TENM4: variants seen among roughly 807,000 people sequenced by gnomAD.
The protein encoded by TENM4 is teneurin transmembrane protein 4.
In TENM4, 82 loss-of-function variants were observed where a neutral mutation model predicts 243.3. That is an observed-to-expected ratio of 0.34 (90% CI 0.28 to 0.40). TENM4 has a LOEUF of 0.40. TENM4 is among the 10% of genes least tolerant of loss of function. The probability of loss-of-function intolerance (pLI) is 1.00; values close to 1 mark genes in which losing one functional copy is unlikely to be tolerated. For missense variants in TENM4, 3,138 were observed against 3,673.3 expected, an observed-to-expected ratio of 0.85 and a Z score of 3.77; for synonymous variants, 1,412 against 1,456.3, an observed-to-expected ratio of 0.97 and a Z score of 0.69.
At chr11:79,244,159 G>A (rs931538880) in intron 2 of TENM4, among the ~76,000 whole-genome samples, 8 of 152,320 alleles carry the variant, frequency 5.3e-5, no homozygotes, top group Admixed American at 5.2e-4. Context: ...GGTGTTGGAT[G>A]GGCCTGAGAA....
At chr11:78,708,944 A>ATTTTTCCG (rs1227762613) in intron 26 of TENM4, among the ~76,000 whole-genome samples, 2 of 143,346 alleles carry the variant, frequency 1.4e-5, no homozygotes, top group African/African-American at 5.4e-5. Flanking sequence ...TTTGGTAACC[A>ATTTTTCCG]TTTTTCTTTT....
chr11:79,404,204 G>A (rs1858520907), intron 1 of TENM4, among the ~76,000 whole-genome samples: 1 of 152,180 alleles, frequency 6.6e-6, no homozygotes, highest in African/African-American at 2.4e-5. Context: ...AAGAAAATCT[G>A]CTTTTTAAAT....
At chr11:79,004,351 T>C (rs1347772505) in intron 6 of TENM4, among the ~76,000 whole-genome samples, 1 of 152,182 alleles carries the variant, frequency 6.6e-6, no homozygotes, top group Non-Finnish European at 1.5e-5. Flanking sequence ...TCTTACCATC[T>C]GCACAAGGCA....
chr11:78,934,655 C>T (rs1444508102), intron 6 of TENM4, among the ~76,000 whole-genome samples: 3 of 152,228 alleles, frequency 2.0e-5, no homozygotes, highest in African/African-American at 7.2e-5. Flanking sequence ...GGTCAAATTT[C>T]ATATACTTCA....
At chr11:78,844,469 C>T (rs1240531861) in intron 12 of TENM4, among the ~76,000 whole-genome samples, 2 of 152,236 alleles carry the variant, frequency 1.3e-5, no homozygotes, top group East Asian at 3.9e-4. Flanking sequence ...TGGTGAAACC[C>T]CGTCTCTACT....
chr11:78,776,721 T>G (rs911048034), intron 17 of TENM4, among the ~76,000 whole-genome samples: 11 of 152,230 alleles, frequency 7.2e-5, no homozygotes, highest in African/African-American at 2.4e-4. Flanking sequence ...AAACAAGTTA[T>G]GATTCATTGA....
intron 6 of TENM4, among the ~76,000 whole-genome samples, chr11:79,062,945 A>T (rs1298756993): frequency 1.3e-5 from 2 of 151,874 alleles, no homozygotes; most frequent in Non-Finnish European, 1.5e-5. Flanking sequence ...CACCAGAGAG[A>T]GGGAAACTCC....
chr11:78,948,256 C>A (rs1254688691), intron 6 of TENM4, among the ~76,000 whole-genome samples: 1 of 152,182 alleles, frequency 6.6e-6, no homozygotes, highest in Non-Finnish European at 1.5e-5. Context: ...CAGCACACAT[C>A]TCCTAAGAAT....
chr11:79,003,056 C>G (rs1023381314), intron 6 of TENM4, among the ~76,000 whole-genome samples: 1 of 152,034 alleles, frequency 6.6e-6, no homozygotes, highest in Non-Finnish European at 1.5e-5. Context: ...GCTGAGAAAA[C>G]AGAGCTTGAA....
At chr11:79,392,370 TACGC>T (rs1310421132) in intron 1 of TENM4, among the ~76,000 whole-genome samples, 1 of 152,210 alleles carries the variant, frequency 6.6e-6, no homozygotes, top group Non-Finnish European at 1.5e-5. Flanking sequence ...AATTAGGAGA[TACGC>T]ACGTTGTGAA....
chr11:79,321,854 A>G (rs1041501931), intron 1 of TENM4, among the ~76,000 whole-genome samples: 2 of 152,094 alleles, frequency 1.3e-5, no homozygotes, highest in Non-Finnish European at 1.5e-5. Flanking sequence ...CACATTATCA[A>G]TGACTGTTTG....
intron 29 of TENM4, among the ~76,000 whole-genome samples, chr11:78,676,807 T>C (rs1461020257): frequency 6.6e-6 from 1 of 152,264 alleles, no homozygotes; most frequent in East Asian, 1.9e-4. Context: ...ATACTCAGTT[T>C]GATTCCAGTT....
intron 12 of TENM4, among the ~76,000 whole-genome samples, chr11:78,852,107 A>T (rs1858554128): frequency 2.0e-5 from 3 of 152,190 alleles, no homozygotes; most frequent in African/African-American, 7.2e-5. Context: ...GGCAGACAAG[A>T]TCCTGTCAAA....
chr11:79,439,818 G>A (rs1476084558), intron 1 of TENM4, among the ~76,000 whole-genome samples: 6 of 152,328 alleles, frequency 3.9e-5, no homozygotes, highest in Non-Finnish European at 7.4e-5. Context: ...AGCTGGGGGT[G>A]AGAGTAGTCA....
At chr11:79,013,687 T>C (rs185572173) in intron 6 of TENM4, among the ~76,000 whole-genome samples, 355 of 152,304 alleles carry the variant, frequency 2.3e-3, no homozygotes, top group Non-Finnish European at 4.1e-3. Flanking sequence ...CACCCAAGGG[T>C]GCAGGAGAAA....
chr11:78,737,288 A>G (rs1855823131), intron 20 of TENM4, among the ~76,000 whole-genome samples: 1 of 152,180 alleles, frequency 6.6e-6, no homozygotes, highest in Non-Finnish European at 1.5e-5. Flanking sequence ...AGGGTAGGGA[A>G]CAGTGGCCTG....
At chr11:79,410,794 A>C (rs1179879449) in intron 1 of TENM4, among the ~76,000 whole-genome samples, 2 of 152,184 alleles carry the variant, frequency 1.3e-5, no homozygotes, top group Non-Finnish European at 2.9e-5. Flanking sequence ...GTAGGCATTT[A>C]ATAAGTGTGA....
chr11:78,862,123 G>A (rs960677227), intron 10 of TENM4, among the ~76,000 whole-genome samples: 5 of 152,122 alleles, frequency 3.3e-5, no homozygotes, highest in Admixed American at 3.3e-4. Flanking sequence ...ATGTCTCATT[G>A]TACAATAGAA....
At chr11:79,042,673 A>G (rs1407045359) in intron 6 of TENM4, among the ~76,000 whole-genome samples, 2 of 152,202 alleles carry the variant, frequency 1.3e-5, no homozygotes, top group African/African-American at 4.8e-5. Flanking sequence ...TGAAGGGATT[A>G]AGACATGCCC....
Sources: gnomAD v4.1 joint callset for allele counts (sites outside exome capture counted in the v4.1 genomes callset) on GRCh38, gnomAD v4.1.1 for gene constraint, MANE v1.5 for transcripts, NCBI Gene and HGNC (gene_info 2026-07-23, HGNC 2026-07-21) for gene names.